The following MTHFD2L variants were observed in gnomAD, a reference collection of about 807,000 sequenced individuals.
The protein encoded by MTHFD2L is bifunctional methylenetetrahydrofolate dehydrogenase/cyclohydrolase 2, mitochondrial.
In MTHFD2L, 29 loss-of-function variants were observed where a neutral mutation model predicts 34.9. The ratio of observed to expected loss-of-function variants is 0.83; its 90% CI spans 0.62 to 1.13. The LOEUF is 1.13. Ranked by LOEUF, MTHFD2L falls within the 50% of genes most tolerant of loss-of-function variation. The probability of loss-of-function intolerance (pLI) is 0.00; values close to 1 mark genes in which losing one functional copy is unlikely to be tolerated. For synonymous variants in MTHFD2L, 167 were observed against 155.7 expected (o/e 1.07, Z -0.54); for missense variants, 481 against 446.5 (o/e 1.08, Z -0.70).
At chr4:74,253,237 C>T (rs1212558381) in intron 6 of MTHFD2L, among the ~76,000 whole-genome samples, 1 of 152,032 alleles carries the variant, frequency 6.6e-6, no homozygotes, top group Non-Finnish European at 1.5e-5. Flanking sequence ...TGAGCCACTC[C>T]CCCACCAAAA....
intron 3 of MTHFD2L, among the ~76,000 whole-genome samples, chr4:74,181,479 G>A (rs1578375670): frequency 6.6e-6 from 1 of 151,404 alleles, no homozygotes; most frequent in Non-Finnish European, 1.5e-5. Flanking sequence ...AGTTCACTCA[G>A]TGAGTAAGTA....
intron 6 of MTHFD2L, among the ~76,000 whole-genome samples, chr4:74,266,225 T>C (rs1745269135): frequency 6.6e-6 from 1 of 151,914 alleles, no homozygotes; most frequent in African/African-American, 2.4e-5. Context: ...TATCAAGACA[T>C]GGTAGGGGCA....
intron 1 of MTHFD2L, among the ~76,000 whole-genome samples, chr4:74,148,770 A>AC (rs1247355241): frequency 1.3e-5 from 2 of 151,840 alleles, no homozygotes; most frequent in Non-Finnish European, 2.9e-5. Flanking sequence ...AGAGTCATAA[A>AC]CATGAATGCT....
At chr4:74,162,451 C>G (rs1234487138) in intron 1 of MTHFD2L, among the ~76,000 whole-genome samples, 2 of 149,840 alleles carry the variant, frequency 1.3e-5, no homozygotes, top group African/African-American at 2.5e-5. Context: ...TCTAAAGATT[C>G]ATAATTCTAA....
Position 74,201,334 on chromosome 4 carries a change from C to G in MTHFD2L, c.676C>G (p.Leu226Val), listed in dbSNP as rs1219541178. Reference sequence around the variant, plus strand: ...GAACGTAGGGATGCCTATTGCCATGCTTTTACACACTGATGGAGAGCATGA... The same window carrying G: ...GAACGTAGGGATGCCTATTGCCATGGTTTTACACACTGATGGAGAGCATGA... ...SKNVGMPIAMLLHTDGEHERP... is the reference protein window; with the variant it reads ...SKNVGMPIAMVLHTDGEHERP... Residue 226 changes from leucine (L) to valine (V), a missense_variant, in exon 5 of 8, where the codon CTT (leucine) becomes GTT (valine). Coordinates refer to ENST00000325278, the MANE Select transcript of MTHFD2L (RefSeq NM_001144978.3). The G allele has an allele frequency of 1.2e-6, 2 of 1,613,740 alleles. No homozygotes were observed. The highest frequency in any genetic ancestry group is 1.7e-5 in the Admixed American group (1 of 59,980).
chr4:74,262,077 C>T (rs6446983), intron 6 of MTHFD2L, among the ~76,000 whole-genome samples: 1 of 151,534 alleles, frequency 6.6e-6, no homozygotes. Context: ...GATGAAAAAA[C>T]AAACACACAT....
chr4:74,269,327 TAGAC>T (rs1745675600), intron 6 of MTHFD2L, among the ~76,000 whole-genome samples: 5 of 152,114 alleles, frequency 3.3e-5, no homozygotes, highest in Admixed American at 3.3e-4. Flanking sequence ...TTATCTTTGT[TAGAC>T]AGAATTTTCT....
intron 5 of MTHFD2L, among the ~76,000 whole-genome samples, chr4:74,221,206 GGTA>G (rs1738123351): frequency 6.7e-6 from 1 of 149,572 alleles, no homozygotes; most frequent in African/African-American, 2.5e-5. Flanking sequence ...TTTACTTTTT[GGTA>G]TTAATTAAAA....
intron 6 of MTHFD2L, among the ~76,000 whole-genome samples, chr4:74,245,927 G>T (rs950323771): frequency 7.3e-5 from 11 of 149,688 alleles, no homozygotes; most frequent in African/African-American, 1.5e-4. Context: ...GAATAGTGCC[G>T]CAATAAACAT....
chr4:74,163,687 A>G lies in MTHFD2L; in HGVS notation c.143+5406A>G, dbSNP rs570556140. On this transcript the variant is annotated intron_variant, in intron 1 of 7. Transcript: ENST00000325278. ...AATAACACACTTCAAAAGACTCCCT[A>G]TACTGGTGATTGGTTTTATTCCCTA... 5.3e-5 allele frequency among the ~76,000 whole-genome samples: 8 copies of G among 152,274 alleles called. No homozygotes were observed. In the South Asian group the frequency reaches 1.7e-3, roughly 32 times the overall value.
chr4:74,171,932 A>G (rs1728091479), intron 1 of MTHFD2L, among the ~76,000 whole-genome samples: 1 of 47,468 alleles, frequency 2.1e-5, no homozygotes, highest in African/African-American at 2.9e-5. Context: ...TTACAATCGA[A>G]TGGATAAACA....
intron 1 of MTHFD2L, among the ~76,000 whole-genome samples, chr4:74,170,625 CATG>C (rs1727717113): frequency 1.3e-5 from 2 of 151,934 alleles, no homozygotes; most frequent in African/African-American, 4.8e-5. Context: ...GTTCTAAAAA[CATG>C]AGAATAAAAA....
intron 1 of MTHFD2L, among the ~76,000 whole-genome samples, chr4:74,136,545 T>C (rs1249884109): frequency 6.6e-6 from 1 of 152,062 alleles, no homozygotes; most frequent in Non-Finnish European, 1.5e-5. Flanking sequence ...AATATGACAA[T>C]ACTACCCCAA....
Position 74,128,722 on chromosome 4 carries a change from T to C in MTHFD2L, c.-297+3205T>C, listed in dbSNP as rs553034504. Among the ~76,000 whole-genome samples the C allele has an allele frequency of 3.3e-5, 5 of 152,220 alleles. No homozygotes were observed. In the South Asian group the frequency reaches 8.3e-4, roughly 25 times the overall value. ...GGGAATTTTTTAGTGTGTGGTTCTA[T>C]GTAAATTTGAGAATTTTTTTCTATT... On this transcript the variant is annotated intron_variant, in intron 1 of 7. Transcript: ENST00000433372.
chr4:74,181,874 G>T (rs1229547276), intron 3 of MTHFD2L: 1 of 152,018 alleles, frequency 6.6e-6, no homozygotes. Context: ...GGTGGATATC[G>T]ACCTAACTAG....
chr4:74,292,685 T>G (rs1261682739), intron 7 of MTHFD2L, among the ~76,000 whole-genome samples: 1 of 152,118 alleles, frequency 6.6e-6, no homozygotes, highest in African/African-American at 2.4e-5. Flanking sequence ...CAGCTCTTAA[T>G]AGAACTACCA....
At chr4:74,141,212 A>C (rs1437294781) in intron 1 of MTHFD2L, among the ~76,000 whole-genome samples, 1 of 152,212 alleles carries the variant, frequency 6.6e-6, no homozygotes, top group East Asian at 1.9e-4. Context: ...CAAGAAGGCC[A>C]AAGTTGCTCA....
chr4:74,245,519 C>G (rs1360505969), intron 6 of MTHFD2L, among the ~76,000 whole-genome samples: 1 of 151,742 alleles, frequency 6.6e-6, no homozygotes, highest in East Asian at 1.9e-4. Flanking sequence ...GGTACATATT[C>G]ACAATGTGCA....
At chr4:74,252,482 G>A (rs767817539) in intron 6 of MTHFD2L, among the ~76,000 whole-genome samples, 72 of 151,762 alleles carry the variant, frequency 4.7e-4, no homozygotes, top group Admixed American at 1.6e-3. Context: ...TATTTTTATG[G>A]CATTATGAAG....
Sources: allele counts gnomAD v4.1 joint callset (sites outside exome capture counted in the v4.1 genomes callset), GRCh38; gene constraint gnomAD v4.1.1; transcripts MANE v1.5; gene names NCBI Gene and HGNC (gene_info 2026-07-23, HGNC 2026-07-21).